TPM3: variants seen among roughly 807,000 people sequenced by gnomAD.
The protein encoded by TPM3 is tropomyosin 3.
A neutral mutation model predicts 43.1 loss-of-function variants in TPM3; 16 were observed. That is an observed-to-expected ratio of 0.37 (90% CI 0.25 to 0.56). The LOEUF (loss-of-function observed/expected upper bound fraction) is 0.56. TPM3 is among the 20% of genes least tolerant of loss of function. The pLI, the probability that TPM3 is intolerant of heterozygous loss-of-function variation, is 0.77. For missense variants in TPM3, 176 were observed against 337.2 expected, an observed-to-expected ratio of 0.52 and a Z score of 3.74; for synonymous variants, 101 against 116.9, an observed-to-expected ratio of 0.86 and a Z score of 0.88.
chr1:154,170,146 C>T (rs1032144564), intron 8 of TPM3: 1 of 495,876 alleles, frequency 2.0e-6, no homozygotes, highest in African/African-American at 1.9e-5. Context: ...CAGCCATTAT[C>T]ATTCTCCTCA....
At chr1:154,161,131 T>TAAAAA (rs953940037), downstream of TPM3, among the ~76,000 whole-genome samples, 1 of 85,096 alleles carries the variant, frequency 1.2e-5, no homozygotes, top group Non-Finnish European at 2.4e-5. Flanking sequence ...ATGCAAATAT[T>TAAAAA]AAAAAAAAAA....
Position 154,188,674 on chromosome 1 carries a change from CAA to C in TPM3, c.243+2510_243+2511del, listed in dbSNP as rs572467862. Among the ~76,000 whole-genome samples the C allele has an allele frequency of 3.0e-4, 18 of 59,524 alleles. No individual in the cohort carries two copies. In the East Asian group the frequency reaches 4.4e-3, roughly 15 times the overall value. The allele number at this position is 59,524 out of a possible 152,430, so 39.1% of individuals were successfully genotyped here. A position where few individuals can be genotyped will look rare whatever the true frequency, so the allele number is the denominator to read the frequency against. ...TGGGTGACACAGCAAGACTCCGTCT[CAA>C]AAAAAAAAAAAAAAAAAAGCCTGTG... On this transcript the variant is annotated intron_variant, in intron 2 of 9. Coordinates refer to ENST00000651641, the MANE Select transcript of TPM3 (RefSeq NM_152263.4).
rs1481547134 is a variant in TPM3 at position 154,173,671 on chromosome 1, A to G, written c.378-470T>C. Among the ~76,000 whole-genome samples, 4 of 151,982 alleles carry G rather than the reference A, an allele frequency of 2.6e-5. No homozygotes were observed. In the East Asian group the frequency reaches 7.7e-4, roughly 29 times the overall value. ...AAGAGCGAAACTCCGTCTCAAAAAAAAAAAAAAAACTTTTTGTTATAAAGG... is the reference window on the plus strand; with the variant it reads ...AAGAGCGAAACTCCGTCTCAAAAAAGAAAAAAAAACTTTTTGTTATAAAGG... On this transcript the variant is annotated intron_variant, in intron 3 of 9. Transcript: ENST00000651641.
In TPM3 at chr1:154,161,849, A is replaced by C. The variant is rs957683460; in HGVS notation, c.*6088T>G. ...GCATTTTATTGCCTGACTAAATCAC[A>C]GAACACAGAGTTTCCTAGGAATTGC... On this transcript the variant is annotated 3_prime_UTR_variant, in exon 10 of 10. Transcript: ENST00000651641. Among the ~76,000 whole-genome samples the C allele has an allele frequency of 5.3e-5, 8 of 152,194 alleles. No individual in the cohort carries two copies. The highest frequency in any genetic ancestry group is 1.9e-4 in the African/African-American group (8 of 41,452).
chr1:154,170,491 T>A (rs756032736), intron 7 of TPM3, 22 bp from the exon 8 acceptor site: 14 of 1,613,778 alleles, frequency 8.7e-6, no homozygotes, highest in Admixed American at 1.7e-5. Context: ...ATGAAATTAG[T>A]CAGAACCAGA....
chr1:154,170,118 A>C (rs1168270382), intron 8 of TPM3: 3 of 446,482 alleles, frequency 6.7e-6, no homozygotes, highest in African/African-American at 6.0e-5. Flanking sequence ...TTTAAGACTA[A>C]TAAATTGGAG....
chr1:154,172,094 C>A, intron 5 of TPM3: 2 of 1,614,174 alleles, frequency 1.2e-6, no homozygotes, highest in Non-Finnish European at 1.7e-6. Context: ...TCATCCATCT[C>A]TCGGCAACGG....
At chr1:154,160,266 C>T (rs1660213568), downstream of TPM3, among the ~76,000 whole-genome samples, 1 of 152,104 alleles carries the variant, frequency 6.6e-6, no homozygotes, top group African/African-American at 2.4e-5. Flanking sequence ...TTTTACAGCC[C>T]GTTTCAAAAT....
chr1:154,169,529 C>A (rs1010273487), intron 8 of TPM3, 146 bp from the exon 9 acceptor site: 1 of 748,384 alleles, frequency 1.3e-6, no homozygotes, highest in Non-Finnish European at 2.3e-6. Context: ...CTCTGGCAAC[C>A]ATGACTGGAC....
At chr1:154,172,580 A>C in intron 5 of TPM3, 1 of 451,746 alleles carries the variant, frequency 2.2e-6, no homozygotes, top group Non-Finnish European at 4.2e-6. Context: ...TTAAATCAGG[A>C]TAGCCACTTT....
At position 154,164,243 on chromosome 1, in the gene TPM3, C is replaced by T. The variant is rs1049733475; in HGVS notation, c.*3694G>A. 1.3e-5 allele frequency among the ~76,000 whole-genome samples: 2 copies of T among 152,070 alleles called. No homozygotes were observed. Among genetic ancestry groups the T allele is most frequent in the Non-Finnish European group, 2.9e-5 (2 of 68,034 alleles). On this transcript the variant is annotated 3_prime_UTR_variant, in exon 10 of 10. Transcript: ENST00000651641. The stretch of plus-strand genomic sequence containing the variant: ...GCAGTGTGATCACAGCTTGCTGCAG[C>T]CTCAGACTCCTGGGCTCAAAGGATC...
Position 154,176,103 on chromosome 1 carries a change from T to C in TPM3, c.377+12A>G, listed in dbSNP as rs1558051848. The C allele has an allele frequency of 1.9e-6, 3 of 1,613,266 alleles. No individual in the cohort carries two copies. The highest frequency in any genetic ancestry group is 2.2e-5 in the South Asian group (2 of 91,040). ...TTTTAAAATCCACACTCCATCAGGC[T>C]TCCCTACACACCTCTCACTCTCATC... On this transcript the variant is annotated intron_variant, in intron 3 of 9. Transcript: ENST00000651641.
Position 154,176,099 on chromosome 1 carries a change from A to G in TPM3, c.377+16T>C. ...GAACTTTTAAAATCCACACTCCATC[A>G]GGCTTCCCTACACACCTCTCACTCT... On this transcript the variant is annotated intron_variant, in intron 3 of 9. Transcript: ENST00000651641. 2 of 1,612,796 alleles carry G rather than the reference A, an allele frequency of 1.2e-6. No homozygotes were observed. Among genetic ancestry groups the G allele is most frequent in the South Asian group, 1.1e-5 (1 of 91,010 alleles).
intron 2 of TPM3, among the ~76,000 whole-genome samples, chr1:154,188,807 A>G (rs1663532075): frequency 1.3e-5 from 2 of 151,402 alleles, no homozygotes; most frequent in South Asian, 4.2e-4. Flanking sequence ...TTGGCCACTG[A>G]AAGTGGTGGA....
In TPM3 at chr1:154,163,122, T is replaced by A. The variant is rs1345609643; in HGVS notation, c.*4815A>T. Among the ~76,000 whole-genome samples, 1 of 152,194 alleles carries A rather than the reference T, an allele frequency of 6.6e-6. No homozygotes were observed. The highest frequency in any genetic ancestry group is 1.5e-5 in the Non-Finnish European group (1 of 68,024). On this transcript the variant is annotated 3_prime_UTR_variant, in exon 10 of 10. Coordinates refer to ENST00000651641, the MANE Select transcript of TPM3 (RefSeq NM_152263.4). Reference sequence around the variant, plus strand: ...CCATGCCCGGTCTACTTCCTTCCTTTCTAAGAAGTCTTTCTTCATGTCAAA... The same window carrying A: ...CCATGCCCGGTCTACTTCCTTCCTTACTAAGAAGTCTTTCTTCATGTCAAA...
At position 154,162,842 on chromosome 1, in the gene TPM3, C is replaced by T. The variant is rs1485995043; in HGVS notation, c.*5095G>A. The stretch of plus-strand genomic sequence containing the variant: ...CACACTAGTCATACCGCAAGGAAAA[C>T]AGGAGATACCACAGATCAGAGCTAT... On this transcript the variant is annotated 3_prime_UTR_variant, in exon 10 of 10. Coordinates refer to ENST00000651641, the MANE Select transcript of TPM3 (RefSeq NM_152263.4). Among the ~76,000 whole-genome samples, 1 of 152,184 alleles carries T rather than the reference C, an allele frequency of 6.6e-6. No individual in the cohort carries two copies. Among genetic ancestry groups the T allele is most frequent in the African/African-American group, 2.4e-5 (1 of 41,440 alleles).
chr1:154,166,674 T>C lies in TPM3; in HGVS notation c.*1263A>G, dbSNP rs968477208. 100 of 1,022,812 alleles carry C rather than the reference T, an allele frequency of 9.8e-5. No individual in the cohort carries two copies. The highest frequency in any genetic ancestry group is 1.1e-4 in the Non-Finnish European group (91 of 854,992). 63.4% of individuals were successfully genotyped at this position (1,022,812 alleles called of 1,614,324 possible). A position where few individuals can be genotyped will look rare whatever the true frequency, so the allele number is the denominator to read the frequency against. ...TATTAAGAAATCTCTGCTGTGTAAATTGGAATGCGAATTCCTTTTTTTTTT... is the reference window on the plus strand; with the variant it reads ...TATTAAGAAATCTCTGCTGTGTAAACTGGAATGCGAATTCCTTTTTTTTTT... On this transcript the variant is annotated 3_prime_UTR_variant, in exon 10 of 10. Coordinates refer to ENST00000651641, the MANE Select transcript of TPM3 (RefSeq NM_152263.4).
rs1660763761 is a variant in TPM3 at position 154,164,753 on chromosome 1, T to C, written c.*3184A>G. Among the ~76,000 whole-genome samples, 1 of 152,102 alleles carries C rather than the reference T, an allele frequency of 6.6e-6. No homozygotes were observed. The highest frequency in any genetic ancestry group is 2.1e-4 in the South Asian group (1 of 4,832). ...AGAACAAAATAAATCTGGAAATGAGTAGATCTGAAGAAAACAATGTAGGCA... is the reference window on the plus strand; with the variant it reads ...AGAACAAAATAAATCTGGAAATGAGCAGATCTGAAGAAAACAATGTAGGCA... On this transcript the variant is annotated 3_prime_UTR_variant, in exon 10 of 10. Transcript: ENST00000651641.
chr1:154,171,380 C>T (rs1163426484), intron 6 of TPM3, 33 bp downstream of exon 6: 1 of 1,613,208 alleles, frequency 6.2e-7, no homozygotes, highest in Non-Finnish European at 8.5e-7. Context: ...GCCCAGGCCC[C>T]AAAGCCTGTC....
Sources: gnomAD v4.1 joint callset for allele counts (sites outside exome capture counted in the v4.1 genomes callset) on GRCh38, gnomAD v4.1.1 for gene constraint, MANE v1.5 for transcripts, NCBI Gene and HGNC (gene_info 2026-07-23, HGNC 2026-07-21) for gene names.